Variants in ROR2 observed in about 807,000 individuals in gnomAD.
ROR2 encodes ROR family WNT receptor 2.
Under a neutral mutation model 74.9 loss-of-function variants are expected in ROR2, and 33 were observed. The observed-to-expected ratio is 0.44, with a 90% CI of 0.33 to 0.59. The LOEUF (loss-of-function observed/expected upper bound fraction) is 0.59. Among genes scored for constraint, ROR2 ranks in the 20% least tolerant of loss-of-function variants. ROR2 has a pLI of 0.02. For missense variants in ROR2, 1,216 were observed against 1,313.8 expected, an observed-to-expected ratio of 0.93 and a Z score of 1.15; for synonymous variants, 586 against 558.7, an observed-to-expected ratio of 1.05 and a Z score of -0.69.
intron 2 of ROR2, among the ~76,000 whole-genome samples, chr9:91,766,250 G>A (rs916052703): frequency 6.6e-6 from 1 of 152,164 alleles, no homozygotes; most frequent in African/African-American, 2.4e-5. Context: ...TTCGGCCCTT[G>A]GTCTCAGATA....
intron 1 of ROR2, among the ~76,000 whole-genome samples, chr9:91,889,783 C>T (rs1366433957): frequency 1.3e-5 from 2 of 152,210 alleles, no homozygotes; most frequent in Non-Finnish European, 1.5e-5. Context: ...TTATAATCTA[C>T]ATTTGTGCAC....
chr9:91,802,876 C>A (rs545824836), intron 1 of ROR2, among the ~76,000 whole-genome samples: 5 of 152,240 alleles, frequency 3.3e-5, no homozygotes, highest in African/African-American at 1.2e-4. Context: ...ACAAAATGGG[C>A]AACAAACTTC....
chr9:91,733,699 A>G lies in ROR2; in HGVS notation c.623-263T>C, dbSNP rs1043667623. ...CCAGGGCCTCACTTAGAAACATCAG[A>G]AGCAGAACAAGAAAGAAGGAAAACT... On this transcript the variant is annotated intron_variant, in intron 5 of 8. Transcript: ENST00000375708. This position sits in a 1 kb window ranked among gnomAD's most constrained non-coding sequence, Gnocchi z 5.7. Among the ~76,000 whole-genome samples, 2 of 152,106 alleles carry G rather than the reference A, an allele frequency of 1.3e-5. No individual in the cohort carries two copies. The highest frequency in any genetic ancestry group is 2.9e-5 in the Non-Finnish European group (2 of 68,034).
intron 7 of ROR2, 25 bp downstream of exon 7, chr9:91,730,884 TA>T (rs754629893): frequency 6.2e-7 from 1 of 1,613,418 alleles, no homozygotes; most frequent in Non-Finnish European, 8.5e-7. Context: ...ATCAACACAT[TA>T]AAAAAAGAGA....
chr9:91,922,882 C>A (rs1831308620), intron 1 of ROR2, among the ~76,000 whole-genome samples: 1 of 152,100 alleles, frequency 6.6e-6, no homozygotes. Flanking sequence ...AGCTGCTCAG[C>A]CTTTTGCCCT....
At chr9:91,753,208 T>G (rs1365481592) in intron 4 of ROR2, among the ~76,000 whole-genome samples, 2 of 152,208 alleles carry the variant, frequency 1.3e-5, no homozygotes, top group Admixed American at 6.5e-5. Flanking sequence ...AAAGTTTTAA[T>G]TTCTATATGA....
At chr9:91,827,246 C>T (rs1828324605) in intron 1 of ROR2, among the ~76,000 whole-genome samples, 1 of 152,044 alleles carries the variant, frequency 6.6e-6, no homozygotes. Flanking sequence ...ACTAAATCAA[C>T]ATTATATTAT....
At chr9:91,781,119 T>G (rs1826605663) in intron 1 of ROR2, among the ~76,000 whole-genome samples, 1 of 152,200 alleles carries the variant, frequency 6.6e-6, no homozygotes, top group African/African-American at 2.4e-5. Context: ...TCTTTTTAAT[T>G]AGTAAGGGTA....
At chr9:91,827,246 CATT>C (rs1587758838) in intron 1 of ROR2, among the ~76,000 whole-genome samples, 1 of 152,044 alleles carries the variant, frequency 6.6e-6, no homozygotes, top group East Asian at 1.9e-4. Flanking sequence ...ACTAAATCAA[CATT>C]ATATTATAAA....
chr9:91,924,617 C>A (rs1009745990), intron 1 of ROR2, among the ~76,000 whole-genome samples: 1 of 152,108 alleles, frequency 6.6e-6, no homozygotes, highest in Non-Finnish European at 1.5e-5. Context: ...CACGGTGAAA[C>A]CCCATCTCTA....
At position 91,726,580 on chromosome 9, in the gene ROR2, G is replaced by A; in HGVS notation, c.1347C>T (p.Ser449=). Residue 449 remains serine, a synonymous_variant, in exon 8 of 9, where the codon AGC becomes AGT. Coordinates refer to ENST00000375708, the MANE Select transcript of ROR2 (RefSeq NM_004560.4). ...PQRRQLMASP[S]QDMEMPLINQ... is the part of the protein sequence containing the mutation. ...TAATGAGGGGCATTTCCATGTCTTG[G>A]CTGGGCGAGGCCATCAGCTGTCGCC... 1.2e-6 allele frequency: 2 copies of A among 1,613,296 alleles called. No homozygotes were observed. The highest frequency in any genetic ancestry group is 1.7e-6 in the Non-Finnish European group (2 of 1,180,026).
Position 91,733,532 on chromosome 9 carries a change from C to T in ROR2, c.623-96G>A, listed in dbSNP as rs576480839. The T allele has an allele frequency of 4.2e-4, 562 of 1,353,394 alleles. 3 individuals carry two copies. The African/African-American group carries it at 6.9e-3, about 17-fold the overall frequency. The allele number at this position is 1,353,394 out of a possible 1,614,324, so 83.8% of individuals were successfully genotyped here. A position where few individuals can be genotyped will look rare whatever the true frequency, so the allele number is the denominator to read the frequency against. Reference sequence around the variant, plus strand: ...CCCCAGCCTGGCATCCCAGACTGCCCACTCAGCCCCCTGATGCCCCGCCCC... The same window carrying T: ...CCCCAGCCTGGCATCCCAGACTGCCTACTCAGCCCCCTGATGCCCCGCCCC... On this transcript the variant is annotated intron_variant, in intron 5 of 8. Transcript: ENST00000375708. The surrounding 1 kb of genome is among the most constrained non-coding windows in gnomAD (Gnocchi z 5.7).
rs1830802759 is a variant in ROR2, at chr9:91,905,889, T to A, written c.97+43978A>T. Among the ~76,000 whole-genome samples the A allele has an allele frequency of 6.6e-6, 1 of 151,868 alleles. No individual in the cohort carries two copies. Among genetic ancestry groups the A allele is most frequent in the Non-Finnish European group, 1.5e-5 (1 of 67,984 alleles). On this transcript the variant is annotated intron_variant, in intron 1 of 8. Transcript: ENST00000375708. This position sits in a 1 kb window ranked among gnomAD's most constrained non-coding sequence, Gnocchi z 5.3. Reference sequence around the variant, plus strand: ...GGAATTCTTGATCCCAGTGGAAGATTACATATTAAAGAAAATGCAGAAAAT... The same window carrying A: ...GGAATTCTTGATCCCAGTGGAAGATAACATATTAAAGAAAATGCAGAAAAT...
intron 1 of ROR2, among the ~76,000 whole-genome samples, chr9:91,873,682 G>A (rs961944622): frequency 6.6e-5 from 10 of 152,168 alleles, no homozygotes; most frequent in African/African-American, 2.2e-4. Context: ...GTGCATTTGA[G>A]CCACGGCAGA....
chr9:91,814,425 T>C (rs185098701), intron 1 of ROR2, among the ~76,000 whole-genome samples: 162 of 152,154 alleles, frequency 1.1e-3, no homozygotes, highest in Non-Finnish European at 1.6e-3. Context: ...CGGCCATCCA[T>C]CATTCAGGTG....
At chr9:91,749,564 G>A (rs1399853269) in intron 4 of ROR2, among the ~76,000 whole-genome samples, 1 of 152,146 alleles carries the variant, frequency 6.6e-6, no homozygotes, top group Non-Finnish European at 1.5e-5. Context: ...AGTAGAGGAG[G>A]GTATGTTTCC....
intron 1 of ROR2, among the ~76,000 whole-genome samples, chr9:91,909,851 T>TG (rs1554691402): frequency 7.5e-4 from 81 of 108,590 alleles, no homozygotes; most frequent in Middle Eastern, 4.2e-3. Flanking sequence ...TGTTTTGTTT[T>TG]TTTTTTTTTT....
Position 91,906,007 on chromosome 9 carries a change from GA to G in ROR2, c.97+43859del, listed in dbSNP as rs76705916. The stretch of plus-strand genomic sequence containing the variant: ...AAACACCCCTTAAAGAGAATTCTTT[GA>G]AAAAAAAAAACCACACACACACACA... On this transcript the variant is annotated intron_variant, in intron 1 of 8. Transcript: ENST00000375708. 2.4e-3 allele frequency among the ~76,000 whole-genome samples: 345 copies of G among 145,332 alleles called. 1 individual carries two copies. Among genetic ancestry groups the G allele is most frequent in the African/African-American group, 7.5e-3 (301 of 39,958 alleles).
At chr9:91,909,795 T>C (rs1047388271) in intron 1 of ROR2, among the ~76,000 whole-genome samples, 6 of 150,816 alleles carry the variant, frequency 4.0e-5, no homozygotes, top group African/African-American at 9.7e-5. Context: ...TCATTAGCTA[T>C]TTTATAAGCA....
Sources: gnomAD v4.1 joint callset for allele counts (sites outside exome capture counted in the v4.1 genomes callset) on GRCh38, gnomAD v4.1.1 for gene constraint, Gnocchi (gnomAD v3.1) non-coding constraint, MANE v1.5 for transcripts, NCBI Gene and HGNC (gene_info 2026-07-23, HGNC 2026-07-21) for gene names.